Variants in IGBP1C observed in about 807,000 individuals in gnomAD.
IGBP1C encodes the protein immunoglobulin-binding protein 1 family member C.
chr17:58,686,114 G>T, the IGBP1C span, among the ~76,000 whole-genome samples: 1 of 152,042 alleles, frequency 6.6e-6, no homozygotes, highest in Non-Finnish European at 1.5e-5. Context: ...ACTTTGGGAG[G>T]CCGAGGAGTC....
At chr17:58,678,847 T>TAATAATAATA in the IGBP1C span, among the ~76,000 whole-genome samples, 1 of 147,638 alleles carries the variant, frequency 6.8e-6, no homozygotes, top group African/African-American at 2.5e-5. Flanking sequence ...ATAATAATAA[T>TAATAATAATA]AATAATAAAA....
the IGBP1C span, chr17:58,661,178 G>A: frequency 2.5e-6 from 2 of 805,404 alleles, no homozygotes; most frequent in Non-Finnish European, 4.5e-6. Flanking sequence ...GGAGGTAATA[G>A]CACCGTGATT....
At chr17:58,683,682 G>A in the IGBP1C span, among the ~76,000 whole-genome samples, 1 of 151,748 alleles carries the variant, frequency 6.6e-6, no homozygotes, top group South Asian at 2.1e-4. Flanking sequence ...AGAATTGCTT[G>A]AACCCGGAAG....
the IGBP1C span, among the ~76,000 whole-genome samples, chr17:58,690,860 CTG>C: frequency 2.0e-5 from 3 of 152,128 alleles, no homozygotes; most frequent in African/African-American, 7.2e-5. Flanking sequence ...TTTAAGAAAA[CTG>C]TGCTGAGGTG....
the IGBP1C span, among the ~76,000 whole-genome samples, chr17:58,684,168 A>G: frequency 6.6e-6 from 1 of 151,628 alleles, no homozygotes; most frequent in South Asian, 2.1e-4. Context: ...AAGAAAAAAA[A>G]ATGCTTCCGC....
chr17:58,680,035 G>C, the IGBP1C span, among the ~76,000 whole-genome samples: 17 of 152,098 alleles, frequency 1.1e-4, no homozygotes, highest in African/African-American at 4.1e-4. Flanking sequence ...ACTAGCTCCT[G>C]CCTTTAAGGG....
the IGBP1C span, among the ~76,000 whole-genome samples, chr17:58,679,135 C>T: frequency 1.8e-3 from 271 of 152,008 alleles, 4 homozygotes; most frequent in Admixed American, 5.1e-3. Flanking sequence ...GCCTGGGCTA[C>T]AAGAGCGAAA....
chr17:58,661,817 CTG>C, the IGBP1C span: 2 of 487,128 alleles, frequency 4.1e-6, no homozygotes, highest in Non-Finnish European at 7.2e-6. Context: ...CTTTGTCTCT[CTG>C]TTTCCGTTTC....
the IGBP1C span, among the ~76,000 whole-genome samples, chr17:58,682,102 C>T: frequency 6.6e-6 from 1 of 151,948 alleles, no homozygotes; most frequent in Non-Finnish European, 1.5e-5. Flanking sequence ...GCACACACTA[C>T]CATGTCTGGC....
chr17:58,677,922 C>T, the IGBP1C span, among the ~76,000 whole-genome samples: 1 of 152,212 alleles, frequency 6.6e-6, no homozygotes, highest in East Asian at 1.9e-4. Context: ...GAGGCCAAGG[C>T]AGGCAGATCA....
At chr17:58,666,224 T>C in the IGBP1C span, among the ~76,000 whole-genome samples, 8 of 151,598 alleles carry the variant, frequency 5.3e-5, no homozygotes, top group Non-Finnish European at 1.0e-4. Flanking sequence ...ATGCCTGTAA[T>C]GTAATCCCAG....
the IGBP1C span, among the ~76,000 whole-genome samples, chr17:58,670,334 T>C: frequency 6.6e-6 from 1 of 152,074 alleles, no homozygotes; most frequent in Non-Finnish European, 1.5e-5. Flanking sequence ...TCTATCCATC[T>C]ATCTATAGGA....
chr17:58,661,499 G>A, the IGBP1C span: 4 of 780,810 alleles, frequency 5.1e-6, no homozygotes, highest in Admixed American at 5.1e-5. Flanking sequence ...GGAACCGGTG[G>A]GTTCAGTCGC....
At chr17:58,683,336 G>GCACT in the IGBP1C span, among the ~76,000 whole-genome samples, 81 of 150,472 alleles carry the variant, frequency 5.4e-4, no homozygotes, top group African/African-American at 1.9e-3. Context: ...TCACACCACT[G>GCACT]CACTCCAGCC....
At chr17:58,668,065 C>G in the IGBP1C span, among the ~76,000 whole-genome samples, 7 of 152,130 alleles carry the variant, frequency 4.6e-5, no homozygotes, top group African/African-American at 1.7e-4. Context: ...TGATCAGGTT[C>G]CTCATCCTGC....
chr17:58,682,925 GA>G, the IGBP1C span, among the ~76,000 whole-genome samples: 3 of 151,718 alleles, frequency 2.0e-5, no homozygotes, highest in Non-Finnish European at 4.4e-5. Context: ...TCTTTGATTA[GA>G]AAAAAATGAG....
chr17:58,684,562 G>C, the IGBP1C span, among the ~76,000 whole-genome samples: 1 of 151,878 alleles, frequency 6.6e-6, no homozygotes, highest in African/African-American at 2.4e-5. Context: ...TTGAACCAGG[G>C]AGGCAGTGGT....
the IGBP1C span, among the ~76,000 whole-genome samples, chr17:58,674,997 T>C: frequency 6.6e-6 from 1 of 151,690 alleles, no homozygotes; most frequent in South Asian, 2.1e-4. Context: ...AACACAAAAA[T>C]TAGCTGGGCA....
the IGBP1C span, chr17:58,660,976 T>G: frequency 1.7e-6 from 2 of 1,164,176 alleles, no homozygotes; most frequent in Non-Finnish European, 2.6e-6. Context: ...TCTCAATCTC[T>G]TCTAAGCTGA....
Sources: gnomAD v4.1 joint callset for allele counts (sites outside exome capture counted in the v4.1 genomes callset) on GRCh38, gnomAD v4.1.1 for gene constraint, MANE v1.5 for transcripts, NCBI Gene and HGNC (gene_info 2026-07-23, HGNC 2026-07-21) for gene names.